WWOX: variants seen among roughly 807,000 people sequenced by gnomAD.
WWOX encodes the protein WW domain-containing oxidoreductase.
In WWOX, 69 loss-of-function variants were observed where a neutral mutation model predicts 46.2. The observed-to-expected ratio is 1.49, with a 90% CI of 1.23 to 1.82. The LOEUF (loss-of-function observed/expected upper bound fraction) is 1.82, where lower values mean the gene tolerates loss of function less well. Ranked by LOEUF, WWOX falls within the 40% of genes most tolerant of loss-of-function variation. WWOX has a pLI of 0.00. For missense variants in WWOX, 919 were observed against 542.6 expected (o/e 1.69, Z -6.89); for synonymous variants, 359 against 202.6 (o/e 1.77, Z -6.56).
chr16:79,011,751 C>T (rs984300686), intron 8 of WWOX, among the ~76,000 whole-genome samples: 2 of 151,976 alleles, frequency 1.3e-5, no homozygotes, highest in Non-Finnish European at 2.9e-5. Context: ...CTTTGGCCTC[C>T]CAAAGTGCTG....
At chr16:78,865,855 G>A (rs944667456) in intron 8 of WWOX, among the ~76,000 whole-genome samples, 10 of 152,208 alleles carry the variant, frequency 6.6e-5, no homozygotes, top group Admixed American at 2.6e-4. Flanking sequence ...CTCCAGCCTG[G>A]GCGATGAGTG....
At chr16:78,610,306 C>A (rs184366019) in intron 8 of WWOX, among the ~76,000 whole-genome samples, 2 of 152,058 alleles carry the variant, frequency 1.3e-5, no homozygotes, top group African/African-American at 4.8e-5. Flanking sequence ...AATTTTTCCA[C>A]AAAACCTATC....
intron 8 of WWOX, among the ~76,000 whole-genome samples, chr16:78,651,619 T>C (rs748956454): frequency 6.6e-5 from 10 of 152,204 alleles, no homozygotes; most frequent in Non-Finnish European, 1.2e-4. Context: ...CTCAGTGCTA[T>C]TGCTCACACA....
chr16:78,269,078 A>G (rs535897140), intron 5 of WWOX: 4 of 152,302 alleles, frequency 2.6e-5, no homozygotes, highest in Admixed American at 1.3e-4. Flanking sequence ...CTTTCAGGCT[A>G]GTATGTACAG....
chr16:78,593,270 G>A (rs1043511308), intron 8 of WWOX, among the ~76,000 whole-genome samples: 5 of 151,894 alleles, frequency 3.3e-5, no homozygotes, highest in Non-Finnish European at 1.5e-5. Context: ...TAAACTCCTG[G>A]CCTCAAGCAA....
At chr16:78,935,932 A>AAGC (rs908078934) in intron 8 of WWOX, among the ~76,000 whole-genome samples, 10 of 151,782 alleles carry the variant, frequency 6.6e-5, no homozygotes, top group African/African-American at 1.5e-4. Flanking sequence ...AAAATAAAAT[A>AAGC]AGCAGCAGCA....
chr16:78,654,822 A>G (rs1281662973), intron 8 of WWOX, among the ~76,000 whole-genome samples: 1 of 151,532 alleles, frequency 6.6e-6, no homozygotes, highest in East Asian at 2.0e-4. Flanking sequence ...GAAATAGACC[A>G]GTGATTCTTC....
At chr16:78,337,487 T>C (rs1200010512) in intron 5 of WWOX, among the ~76,000 whole-genome samples, 2 of 152,210 alleles carry the variant, frequency 1.3e-5, no homozygotes, top group East Asian at 3.9e-4. Context: ...CGATACATTA[T>C]TAACTAGTCT....
chr16:79,201,343 CTTTTTTT>C (rs5818210), intron 8 of WWOX, among the ~76,000 whole-genome samples: 10 of 143,648 alleles, frequency 7.0e-5, no homozygotes, highest in South Asian at 6.7e-4. Flanking sequence ...TTTTTCTTTT[CTTTTTTT>C]TTTTTTTTTT....
At chr16:78,929,404 A>G (rs891932723) in intron 8 of WWOX, among the ~76,000 whole-genome samples, 2 of 152,156 alleles carry the variant, frequency 1.3e-5, no homozygotes, top group Admixed American at 6.5e-5. Flanking sequence ...ATTTATAAAG[A>G]CATTACTAAA....
rs145847466 is a variant in WWOX at position 79,070,541 on chromosome 16, A to C, written c.1057-141067A>C. 8.5e-3 allele frequency among the ~76,000 whole-genome samples: 1,298 copies of C among 152,130 alleles called. 15 individuals carry two copies. Among genetic ancestry groups the C allele is most frequent in the Non-Finnish European group, 0.013 (881 of 67,996 alleles). Reference sequence around the variant, plus strand: ...CTTCTATCATGATTGTACACAGATGAGCAAAGCTCCTTGGCAATGAGTGAG... The same window carrying C: ...CTTCTATCATGATTGTACACAGATGCGCAAAGCTCCTTGGCAATGAGTGAG... On this transcript the variant is annotated intron_variant, in intron 8 of 8. Transcript: ENST00000566780.
chr16:78,376,202 T>G (rs997982489), intron 5 of WWOX, among the ~76,000 whole-genome samples: 3 of 152,158 alleles, frequency 2.0e-5, no homozygotes, highest in Non-Finnish European at 4.4e-5. Flanking sequence ...AGGAAGAGAT[T>G]GTTCTGTAAT....
At chr16:79,023,339 T>A (rs1486245434) in intron 8 of WWOX, among the ~76,000 whole-genome samples, 1 of 152,186 alleles carries the variant, frequency 6.6e-6, no homozygotes, top group Non-Finnish European at 1.5e-5. Flanking sequence ...TCCAGCATCC[T>A]CTTGGTATGA....
chr16:78,114,323 C>T (rs1037501637), intron 3 of WWOX, among the ~76,000 whole-genome samples: 1 of 152,160 alleles, frequency 6.6e-6, no homozygotes, highest in Non-Finnish European at 1.5e-5. Context: ...TGGTCTTGAA[C>T]TCCTGGGCTC....
intron 8 of WWOX, among the ~76,000 whole-genome samples, chr16:78,736,878 G>T (rs2049104616): frequency 6.6e-6 from 1 of 152,028 alleles, no homozygotes; most frequent in Admixed American, 6.5e-5. Context: ...CAAAGTGCTG[G>T]GATTATAGGC....
At chr16:78,596,490 C>A (rs985597090) in intron 8 of WWOX, among the ~76,000 whole-genome samples, 1 of 150,760 alleles carries the variant, frequency 6.6e-6, no homozygotes, top group African/African-American at 2.4e-5. Context: ...ATCAGGGGTG[C>A]TAAGGTGACT....
chr16:79,059,400 A>C (rs78568947), intron 8 of WWOX, among the ~76,000 whole-genome samples: 1,937 of 152,340 alleles, frequency 0.013, 41 homozygotes, highest in African/African-American at 0.044. Flanking sequence ...TGTGATCTTG[A>C]CATTGAGATG....
intron 8 of WWOX, among the ~76,000 whole-genome samples, chr16:78,735,024 G>A (rs1474461802): frequency 6.6e-6 from 1 of 151,294 alleles, no homozygotes; most frequent in African/African-American, 2.4e-5. Flanking sequence ...CCACCATCAT[G>A]CCCAGCTAAC....
chr16:78,760,081 C>G (rs1379306606), intron 8 of WWOX, among the ~76,000 whole-genome samples: 2 of 152,102 alleles, frequency 1.3e-5, no homozygotes, highest in South Asian at 2.1e-4. Context: ...GGTAATTTAT[C>G]AACAAAAAGA....
Sources: allele counts gnomAD v4.1 joint callset (sites outside exome capture counted in the v4.1 genomes callset), GRCh38; gene constraint gnomAD v4.1.1; transcripts MANE v1.5; gene names NCBI Gene and HGNC (gene_info 2026-07-23, HGNC 2026-07-21).